The following DNAH7 variants were observed in gnomAD, a reference collection of about 807,000 sequenced individuals.
DNAH7 encodes the protein dynein axonemal heavy chain 7, also known as axonemal beta dynein heavy chain 7.
In DNAH7, 397 loss-of-function variants were observed where a neutral mutation model predicts 444.6. The ratio of observed to expected loss-of-function variants is 0.89; its 90% CI spans 0.82 to 0.97. The LOEUF is 0.97. Among genes scored for constraint, DNAH7 ranks in the 50% least tolerant of loss-of-function variants. The pLI is 0.00. For missense variants in DNAH7, 4,902 were observed against 4,800.8 expected (o/e 1.02, Z -0.62); for synonymous variants, 1,636 against 1,624.4 (o/e 1.01, Z -0.17).
chr2:196,000,934 G>C (rs1158136100), intron 11 of DNAH7, 51 bp from the exon 12 acceptor site: 1 of 1,430,968 alleles, frequency 7.0e-7, no homozygotes, highest in Middle Eastern at 2.5e-4. Flanking sequence ...AATTGTGACA[G>C]ACTAAGTAGT....
At chr2:195,838,420 A>G (rs1698496449) in intron 47 of DNAH7, among the ~76,000 whole-genome samples, 1 of 152,106 alleles carries the variant, frequency 6.6e-6, no homozygotes, top group Non-Finnish European at 1.5e-5. Flanking sequence ...CCTCCATGAG[A>G]CAAAGGTGAA....
chr2:195,962,054 A>T (rs1164116656), intron 17 of DNAH7, among the ~76,000 whole-genome samples: 1 of 152,192 alleles, frequency 6.6e-6, no homozygotes, highest in Non-Finnish European at 1.5e-5. Flanking sequence ...ATGAAACTCG[A>T]GTTCAGTCTT....
intron 24 of DNAH7, among the ~76,000 whole-genome samples, chr2:195,913,630 A>G (rs891878645): frequency 6.6e-6 from 1 of 152,212 alleles, no homozygotes; most frequent in Admixed American, 6.5e-5. Context: ...GCCCCTCTTC[A>G]TTTTCATTTG....
chr2:195,864,270 A>G lies in DNAH7; in HGVS notation c.7385T>C (p.Ile2462Thr). Residue 2462 changes from isoleucine to threonine, a missense_variant, in exon 41 of 65, where the codon ATT becomes ACT. Physicochemically the swap from Ile to Thr is moderately conservative, Grantham distance 89. Transcript: ENST00000312428. ...ATGCAGTTGGCTGCGGCAATGATCA[A>G]TAAACATGTTGAAAAGGGCTATGGG... ...GSPIALFNMF[I>T]DHCRSQLHVV... 1 of 1,614,192 alleles carries G rather than the reference A, an allele frequency of 6.2e-7. No homozygotes were observed. The highest frequency in any genetic ancestry group is 1.3e-5 in the African/African-American group (1 of 75,054).
At chr2:195,984,097 T>C (rs550819329) in intron 15 of DNAH7, among the ~76,000 whole-genome samples, 2 of 152,118 alleles carry the variant, frequency 1.3e-5, no homozygotes, top group African/African-American at 2.4e-5. Context: ...ACTTGTACAA[T>C]TGAATTTGCT....
rs1233124360 is a variant in DNAH7, at chr2:195,960,620, A to C, written c.2531T>G (p.Ile844Ser). ...FKQHIPLIQVICNPGLRPRHW... is the reference protein window; with the variant it reads ...FKQHIPLIQVSCNPGLRPRHW... ...CCTGGGGCGCAAACCAGGATTACAG[A>C]TCACTTGAATGAGAGGAATGTGCTG... is the stretch of plus-strand genomic sequence containing the variant. The change falls in exon 18 of 65, where the codon ATC (isoleucine) becomes AGC (serine). Residue 844 changes from isoleucine (I) to serine (S), a missense_variant. Ile to Ser is a moderately radical substitution (Grantham distance 142). Transcript: ENST00000312428. 5.0e-6 allele frequency: 8 copies of C among 1,614,098 alleles called. No individual in the cohort carries two copies. The highest frequency in any genetic ancestry group is 6.8e-6 in the Non-Finnish European group (8 of 1,180,034).
In DNAH7 at chr2:195,891,672, C is replaced by T. The variant is rs551190156; in HGVS notation, c.5029G>A (p.Ala1677Thr). The T allele has an allele frequency of 1.3e-6, 2 of 1,592,478 alleles. No homozygotes were observed. Among genetic ancestry groups the T allele is most frequent in the East Asian group, 2.3e-5 (1 of 44,110 alleles). Residue 1677 changes from alanine (A) to threonine (T), a missense_variant, in exon 31 of 65, where the codon GCA (alanine) becomes ACA (threonine). Transcript: ENST00000312428. ...GAACTTACCACTGAAGAGGCAAATG[C>T]TCTAAAACTGACAGCAAGGACCCCA... ...SDGVLAVSFRAFASSVTPDRK... is the reference protein window; with the variant it reads ...SDGVLAVSFRTFASSVTPDRK...
intron 10 of DNAH7, among the ~76,000 whole-genome samples, chr2:196,006,272 C>T (rs968943665): frequency 2.6e-5 from 4 of 152,120 alleles, no homozygotes; most frequent in African/African-American, 9.7e-5. Flanking sequence ...CACCACTGCA[C>T]TCCAGCCTGG....
At chr2:196,002,941 G>A (rs943342185) in intron 10 of DNAH7, among the ~76,000 whole-genome samples, 5 of 151,740 alleles carry the variant, frequency 3.3e-5, no homozygotes, top group Admixed American at 2.0e-4. Context: ...CTGGGAAGCA[G>A]AAGTTGCAGT....
chr2:195,858,419 T>C, intron 43 of DNAH7, 55 bp downstream of exon 43: 1 of 1,390,102 alleles, frequency 7.2e-7, no homozygotes, highest in Admixed American at 2.5e-5. Context: ...AATGCTAATT[T>C]CTTTCTTGGG....
chr2:195,987,905 G>A, intron 13 of DNAH7, 52 bp downstream of exon 13: 4 of 1,482,194 alleles, frequency 2.7e-6, no homozygotes, highest in Non-Finnish European at 3.6e-6. Context: ...AATAAAACTG[G>A]GGAAAAGATA....
At chr2:195,943,209 G>A (rs1040398909) in intron 19 of DNAH7, among the ~76,000 whole-genome samples, 1 of 152,130 alleles carries the variant, frequency 6.6e-6, no homozygotes, top group Non-Finnish European at 1.5e-5. Context: ...CCTGGTCTCA[G>A]GCATGTCTTT....
At chr2:195,952,828 C>T (rs1051213546) in intron 19 of DNAH7, among the ~76,000 whole-genome samples, 49 of 152,094 alleles carry the variant, frequency 3.2e-4, no homozygotes, top group Non-Finnish European at 6.2e-4. Context: ...GTTAGCAATT[C>T]GTCTAACCTT....
At position 195,764,125 on chromosome 2, in the gene DNAH7, G is replaced by A. The variant is rs188742590; in HGVS notation, c.11433+7535C>T. On this transcript the variant is annotated intron_variant, in intron 61 of 64. Transcript: ENST00000312428. The stretch of plus-strand genomic sequence containing the variant: ...TGATACATCATATCAACAGAATGAA[G>A]GACAAAAACTGTATAATAATTTCAA... Among the ~76,000 whole-genome samples, 518 of 151,768 alleles carry A rather than the reference G, an allele frequency of 3.4e-3. 4 individuals are homozygous for A. Among genetic ancestry groups the A allele is most frequent in the African/African-American group, 0.012 (482 of 41,410 alleles).
chr2:195,762,705 A>G (rs1209816790), intron 61 of DNAH7, among the ~76,000 whole-genome samples: 1 of 152,206 alleles, frequency 6.6e-6, no homozygotes, highest in Non-Finnish European at 1.5e-5. Context: ...ATATGCACCC[A>G]ACACTGGAAA....
At position 195,910,150 on chromosome 2, in the gene DNAH7, C is replaced by T; in HGVS notation, c.3981G>A (p.Glu1327=). The change falls in exon 25 of 65, where the codon GAG becomes GAA. Residue 1327 remains glutamate, a synonymous_variant. Coordinates refer to ENST00000312428, the MANE Select transcript of DNAH7 (RefSeq NM_018897.3). ...CAGTCTTCCCAGTGCCAGCTGGACCCTCAGGTGCTCCTCCAAGGTGCAAAT... is the reference window on the plus strand; with the variant it reads ...CAGTCTTCCCAGTGCCAGCTGGACCTTCAGGTGCTCCTCCAAGGTGCAAAT... The part of the protein sequence containing the change: ...ALHLHLGGAP[E]GPAGTGKTET... The T allele has an allele frequency of 6.2e-7, 1 of 1,613,236 alleles. No individual in the cohort carries two copies. The highest frequency in any genetic ancestry group is 8.5e-7 in the Non-Finnish European group (1 of 1,179,586).
At chr2:196,015,741 T>C (rs1270680340) in intron 9 of DNAH7, among the ~76,000 whole-genome samples, 1 of 152,146 alleles carries the variant, frequency 6.6e-6, no homozygotes, top group African/African-American at 2.4e-5. Context: ...CTGCCACACA[T>C]AGAGATGTCG....
At position 195,871,747 on chromosome 2, in the gene DNAH7, C is replaced by T. The variant is rs546045249; in HGVS notation, c.6633+503G>A. 7.7e-3 allele frequency among the ~76,000 whole-genome samples: 651 copies of T among 84,162 alleles called. 220 individuals are homozygous for T. The African/African-American group carries it at 0.089, about 12-fold the overall frequency. 55.2% of individuals were successfully genotyped at this position (84,162 alleles called of 152,430 possible). A position where few individuals can be genotyped will look rare whatever the true frequency, so the allele number is the denominator to read the frequency against. On this transcript the variant is annotated intron_variant, in intron 40 of 64. Transcript: ENST00000312428. ...GAGATCGAGACCATCCCGGCTAAAA[C>T]GGTGAAACCCCGTCTCTACTAAAAA...
chr2:195,738,228 A>C, intron 64 of DNAH7, 101 bp from the exon 65 acceptor site: 1 of 1,040,092 alleles, frequency 9.6e-7, no homozygotes, highest in Non-Finnish European at 1.4e-6. Flanking sequence ...TTATGCATGC[A>C]GATTTCTGTG....
Sources: allele counts gnomAD v4.1 joint callset (sites outside exome capture counted in the v4.1 genomes callset), GRCh38; gene constraint gnomAD v4.1.1; transcripts MANE v1.5; gene names NCBI Gene and HGNC (gene_info 2026-07-23, HGNC 2026-07-21).